OPHN1: variants seen among roughly 807,000 people sequenced by gnomAD.
The protein encoded by OPHN1 is oligophrenin 1.
Under a neutral mutation model 60.7 loss-of-function variants are expected in OPHN1, and 11 were observed. That is an observed-to-expected ratio of 0.18 (90% CI 0.11 to 0.30). The LOEUF is 0.30. Ranked by LOEUF, OPHN1 falls within the 10% of genes least tolerant of loss-of-function variation. OPHN1 has a pLI of 1.00. For synonymous variants in OPHN1, 226 were observed against 222.6 expected, an observed-to-expected ratio of 1.02 and a Z score of -0.14; for missense variants, 449 against 611.0, an observed-to-expected ratio of 0.73 and a Z score of 2.80.
At chrX:68,413,215 G>A (rs1262378577) in intron 2 of OPHN1, among the ~76,000 whole-genome samples, 1 of 111,879 alleles carries the variant, frequency 8.9e-6, no homozygotes, top group Admixed American at 9.5e-5. Context: ...AGGACATAGT[G>A]AGAAGTTCAA....
intron 9 of OPHN1, among the ~76,000 whole-genome samples, chrX:68,208,057 T>C (rs1184060998): frequency 9.1e-6 from 1 of 109,465 alleles, no homozygotes; most frequent in Non-Finnish European, 1.9e-5. Flanking sequence ...CTTTCCTTTC[T>C]TTCTTTTCTT....
intron 5 of OPHN1, among the ~76,000 whole-genome samples, chrX:68,262,282 T>C (rs1368273340): frequency 8.9e-6 from 1 of 111,855 alleles, no homozygotes; most frequent in Non-Finnish European, 1.9e-5. Flanking sequence ...TACCTCTGAG[T>C]AGTGGATAAA....
chrX:68,146,576 A>T (rs1569225492), intron 15 of OPHN1, among the ~76,000 whole-genome samples: 1 of 112,585 alleles, frequency 8.9e-6, no homozygotes, highest in African/African-American at 3.2e-5. Flanking sequence ...CCCAAATTTA[A>T]AAGTATCCTG....
chrX:68,247,668 C>A (rs1402890832), intron 5 of OPHN1, among the ~76,000 whole-genome samples: 1 of 108,656 alleles, frequency 9.2e-6, no homozygotes, highest in East Asian at 2.9e-4. Flanking sequence ...CCTGTAATAT[C>A]AGCACTTTGG....
intron 15 of OPHN1, among the ~76,000 whole-genome samples, chrX:68,146,695 T>C (rs1276566865): frequency 2.7e-5 from 3 of 112,562 alleles, no homozygotes; most frequent in African/African-American, 9.7e-5. Flanking sequence ...TTGAGAGTTC[T>C]TGGGATTAAT....
At chrX:68,107,394 C>G (rs1316852033) in intron 18 of OPHN1, among the ~76,000 whole-genome samples, 1 of 111,681 alleles carries the variant, frequency 9.0e-6, no homozygotes, top group East Asian at 2.8e-4. Context: ...TTTCTATACT[C>G]TTTATTTCCT....
Position 68,206,162 on chromosome X carries a change from GTA to G in OPHN1, c.933+409_933+410del, listed in dbSNP as rs367928553. 5.7e-4 allele frequency among the ~76,000 whole-genome samples: 64 copies of G among 111,612 alleles called. 1 individual carries two copies. Among genetic ancestry groups the G allele is most frequent in the African/African-American group, 2.0e-3 (61 of 30,698 alleles). On this transcript the variant is annotated intron_variant, in intron 10 of 24. Transcript: ENST00000355520. Reference sequence around the variant, plus strand: ...TATTTGAGTAGTACATAGAATGTGAGTATCGGTTATTCCAACTGTGGGCCATA... The same window carrying G: ...TATTTGAGTAGTACATAGAATGTGAGTCGGTTATTCCAACTGTGGGCCATA...
At position 68,248,909 on chromosome X, in the gene OPHN1, T is replaced by C. The variant is rs1173062597; in HGVS notation, c.385-14321A>G. Among the ~76,000 whole-genome samples, 26 of 111,439 alleles carry C rather than the reference T, an allele frequency of 2.3e-4. 1 individual carries two copies. The highest frequency in any genetic ancestry group is 5.6e-5 in the Non-Finnish European group (3 of 53,101). On this transcript the variant is annotated intron_variant, in intron 5 of 24. Transcript: ENST00000355520. ...CTAAAAATCAAAACAATTGAACTCA[T>C]GGACATAGGGTATAGAAAGATGCTT...
In OPHN1 at chrX:68,057,906, G is replaced by A. The variant is rs903487934; in HGVS notation, c.2159-4096C>T. 2.7e-5 allele frequency among the ~76,000 whole-genome samples: 3 copies of A among 111,595 alleles called. No individual in the cohort carries two copies. The East Asian group carries it at 8.5e-4, about 32-fold the overall frequency. On this transcript the variant is annotated intron_variant, in intron 21 of 24. Transcript: ENST00000355520. ...CATTTCCTTACCAGTATAACATGGG[G>A]ATTGGACTGTTTTTCCAGATGAATG...
At chrX:68,091,476 A>C (rs1026932762) in intron 19 of OPHN1, among the ~76,000 whole-genome samples, 1 of 110,637 alleles carries the variant, frequency 9.0e-6, no homozygotes, top group Non-Finnish European at 1.9e-5. Context: ...TGTGGGGGAG[A>C]GCTGATGTTC....
At chrX:68,279,445 C>A (rs1486477203) in intron 4 of OPHN1, among the ~76,000 whole-genome samples, 1 of 109,412 alleles carries the variant, frequency 9.1e-6, no homozygotes, top group African/African-American at 3.3e-5. Flanking sequence ...CACAGGGATG[C>A]CCTTCCTCAC....
chrX:68,221,782 A>G (rs1257394365), intron 6 of OPHN1, among the ~76,000 whole-genome samples: 4 of 95,921 alleles, frequency 4.2e-5, no homozygotes, highest in African/African-American at 1.5e-4. Context: ...TCAATTGAAG[A>G]TGGATTAAAG....
chrX:68,049,618 T>A (rs997984247), intron 23 of OPHN1, among the ~76,000 whole-genome samples: 1 of 112,117 alleles, frequency 8.9e-6, no homozygotes, highest in Non-Finnish European at 1.9e-5. Context: ...CAAAGTGATC[T>A]TTTTACAACT....
chrX:68,095,215 T>A (rs1035500941), intron 19 of OPHN1, among the ~76,000 whole-genome samples: 5 of 111,868 alleles, frequency 4.5e-5, no homozygotes, highest in Non-Finnish European at 9.4e-5. Context: ...TCGACACATA[T>A]TTGTTGGATG....
chrX:68,156,127 C>A (rs1429300464), intron 15 of OPHN1, among the ~76,000 whole-genome samples: 3 of 110,550 alleles, frequency 2.7e-5, no homozygotes, highest in African/African-American at 9.9e-5. Context: ...GAAAGATATG[C>A]ATTTCCCTAC....
intron 4 of OPHN1, among the ~76,000 whole-genome samples, chrX:68,277,142 A>G (rs773093427): frequency 6.2e-5 from 7 of 112,223 alleles, no homozygotes; most frequent in African/African-American, 1.3e-4. Flanking sequence ...CAATTTTTCA[A>G]TGGACCCAGG....
intron 15 of OPHN1, among the ~76,000 whole-genome samples, chrX:68,143,369 G>A (rs909539576): frequency 1.8e-5 from 2 of 111,769 alleles, no homozygotes. Flanking sequence ...AAAGGCATTA[G>A]AGTTGAAGAT....
intron 10 of OPHN1, among the ~76,000 whole-genome samples, chrX:68,205,191 T>A (rs2077552554): frequency 9.0e-6 from 1 of 111,372 alleles, no homozygotes; most frequent in Admixed American, 9.6e-5. Context: ...CTCACACGTG[T>A]AATCCCAGCA....
At chrX:68,431,503 A>G (rs1309303537) in intron 2 of OPHN1, among the ~76,000 whole-genome samples, 3 of 111,054 alleles carry the variant, frequency 2.7e-5, no homozygotes, top group Middle Eastern at 4.2e-3. Flanking sequence ...TGCAACCAAC[A>G]TCTCCTGGGT....
Sources: gnomAD v4.1 joint callset for allele counts (sites outside exome capture counted in the v4.1 genomes callset) on GRCh38, gnomAD v4.1.1 for gene constraint, MANE v1.5 for transcripts, NCBI Gene and HGNC (gene_info 2026-07-23, HGNC 2026-07-21) for gene names.